ZRANB3: variants seen among roughly 807,000 people sequenced by gnomAD.
ZRANB3 encodes zinc finger RANBP2-type containing 3.
ZRANB3 carries 125 observed loss-of-function variants against 133.8 expected under a neutral mutation model. The observed-to-expected ratio is 0.93, with a 90% CI of 0.81 to 1.08. ZRANB3 has a LOEUF of 1.08. ZRANB3 is among the 50% of genes least tolerant of loss of function. The pLI is 0.00. For missense variants in ZRANB3, 1,229 were observed against 1,275.5 expected, an observed-to-expected ratio of 0.96 and a Z score of 0.56; for synonymous variants, 387 against 432.7, an observed-to-expected ratio of 0.89 and a Z score of 1.31.
At chr2:135,336,276 C>T (rs934841714) in intron 6 of ZRANB3, among the ~76,000 whole-genome samples, 20 of 152,162 alleles carry the variant, frequency 1.3e-4, no homozygotes, top group Non-Finnish European at 2.8e-4. Flanking sequence ...ATTTAATACA[C>T]TTTATAAAAG....
At chr2:135,405,146 CA>C (rs372062362) in intron 2 of ZRANB3, among the ~76,000 whole-genome samples, 2 of 151,546 alleles carry the variant, frequency 1.3e-5, no homozygotes, top group African/African-American at 4.8e-5. Flanking sequence ...AAATGGAAAA[CA>C]AAAAAAGGCA....
chr2:135,247,078 A>G (rs1008723220), intron 12 of ZRANB3, among the ~76,000 whole-genome samples: 19 of 152,356 alleles, frequency 1.2e-4, no homozygotes, highest in Admixed American at 7.2e-4. Flanking sequence ...GACTTTGATC[A>G]AAGGGCAGCT....
chr2:135,268,692 G>A (rs1484278309), intron 11 of ZRANB3, among the ~76,000 whole-genome samples: 1 of 152,120 alleles, frequency 6.6e-6, no homozygotes, highest in African/African-American at 2.4e-5. Flanking sequence ...ACGTTTCCTT[G>A]CTAGCCAACC....
At chr2:135,258,211 T>C (rs760634536) in intron 12 of ZRANB3, among the ~76,000 whole-genome samples, 1 of 152,196 alleles carries the variant, frequency 6.6e-6, no homozygotes, top group African/African-American at 2.4e-5. Flanking sequence ...CAATAGATGT[T>C]AGTCATTATT....
At chr2:135,212,412 G>A (rs1694129176) in intron 17 of ZRANB3, among the ~76,000 whole-genome samples, 1 of 152,114 alleles carries the variant, frequency 6.6e-6, no homozygotes, top group Non-Finnish European at 1.5e-5. Flanking sequence ...CTTGCCTGAG[G>A]TATTATTCAA....
At chr2:135,307,201 G>T (rs1024098521) in intron 8 of ZRANB3, among the ~76,000 whole-genome samples, 5 of 152,058 alleles carry the variant, frequency 3.3e-5, no homozygotes, top group Non-Finnish European at 5.9e-5. Flanking sequence ...TGAGTAGTGG[G>T]ACCACAGACG....
At chr2:135,328,085 C>T (rs951026170) in intron 6 of ZRANB3, among the ~76,000 whole-genome samples, 1 of 151,272 alleles carries the variant, frequency 6.6e-6, no homozygotes, top group Admixed American at 6.6e-5. Context: ...TATTATTATA[C>T]TTTAAGTTCT....
At chr2:135,220,337 C>CAA (rs200689271) in intron 15 of ZRANB3, among the ~76,000 whole-genome samples, 7 of 130,854 alleles carry the variant, frequency 5.3e-5, no homozygotes, top group African/African-American at 2.0e-4. Flanking sequence ...TTCTCTCAGC[C>CAA]AAAAAAAAAA....
At chr2:135,522,547 C>T (rs752874054) in intron 1 of ZRANB3, among the ~76,000 whole-genome samples, 6 of 152,096 alleles carry the variant, frequency 3.9e-5, no homozygotes, top group Admixed American at 1.3e-4. Context: ...CGCCTGTAAT[C>T]CCAGCACTTT....
chr2:135,207,663 T>C lies in ZRANB3; in HGVS notation c.2780A>G (p.Lys927Arg). ...AAACCGTGAATCCCAAGAGTTCGCTTTACATGCTTGCTTAGTCTGGCAAGT... is the reference window on the plus strand; with the variant it reads ...AAACCGTGAATCCCAAGAGTTCGCTCTACATGCTTGCTTAGTCTGGCAAGT... ...QPTCQTKQAC[K>R]ANSWDSRFCS... Residue 927 changes from lysine to arginine, a missense_variant, in exon 19 of 21, where the codon AAA becomes AGA. By Grantham distance (26) the Lys-to-Arg change is conservative. Coordinates refer to ENST00000264159, the MANE Select transcript of ZRANB3 (RefSeq NM_032143.4). 1 of 1,613,998 alleles carries C rather than the reference T, an allele frequency of 6.2e-7. No homozygotes were observed. Among genetic ancestry groups the C allele is most frequent in the Non-Finnish European group, 8.5e-7 (1 of 1,179,886 alleles).
intron 2 of ZRANB3, among the ~76,000 whole-genome samples, chr2:135,431,214 C>A (rs13393227): frequency 0.032 from 4,836 of 151,628 alleles, 248 homozygotes; most frequent in African/African-American, 0.11. Flanking sequence ...ATCACTTGAG[C>A]TCAGAGAGTC....
intron 2 of ZRANB3, among the ~76,000 whole-genome samples, chr2:135,398,320 C>A (rs1301852522): frequency 6.6e-6 from 1 of 151,776 alleles, no homozygotes; most frequent in Non-Finnish European, 1.5e-5. Context: ...CCTGCCTCGG[C>A]CTCCCAAAGT....
intron 12 of ZRANB3, among the ~76,000 whole-genome samples, chr2:135,232,468 G>T (rs1220284775): frequency 6.6e-6 from 1 of 152,200 alleles, no homozygotes; most frequent in Non-Finnish European, 1.5e-5. Flanking sequence ...GCATGCAGCT[G>T]GAGATCTGAG....
chr2:135,326,620 G>A (rs1343928888), intron 6 of ZRANB3, among the ~76,000 whole-genome samples: 8 of 151,836 alleles, frequency 5.3e-5, no homozygotes, highest in South Asian at 4.2e-4. Context: ...GAACAGTCCC[G>A]GCCAGGCATG....
intron 2 of ZRANB3, among the ~76,000 whole-genome samples, chr2:135,421,589 T>C (rs1409241000): frequency 6.6e-6 from 1 of 152,168 alleles, no homozygotes; most frequent in African/African-American, 2.4e-5. Flanking sequence ...CTCTTCCAGA[T>C]TTCCAACATA....
chr2:135,457,102 TAACTC>T, intron 2 of ZRANB3, among the ~76,000 whole-genome samples: 1 of 152,332 alleles, frequency 6.6e-6, no homozygotes, highest in Admixed American at 6.5e-5. Flanking sequence ...CTGGCTTCCT[TAACTC>T]AGCATGATGT....
At chr2:135,380,196 C>A (rs1452400517) in intron 3 of ZRANB3, among the ~76,000 whole-genome samples, 2 of 152,110 alleles carry the variant, frequency 1.3e-5, no homozygotes, top group East Asian at 1.9e-4. Context: ...GACTTAGACT[C>A]CCACAAAATA....
intron 3 of ZRANB3, among the ~76,000 whole-genome samples, chr2:135,383,210 A>C (rs1212762525): frequency 3.3e-5 from 5 of 152,208 alleles, no homozygotes; most frequent in Non-Finnish European, 7.3e-5. Flanking sequence ...TCTCTGATAA[A>C]ACAGACTTTA....
In ZRANB3 at chr2:135,437,336, A is replaced by G. The variant is rs193287923; in HGVS notation, c.162-46516T>C. ...ACATGACAAGATAAAGTTAATAAAC[A>G]TAATGCTCAGTGAAGAAAGCCAAAC... On this transcript the variant is annotated intron_variant, in intron 2 of 20. Transcript: ENST00000264159. Among the ~76,000 whole-genome samples, 6 of 152,376 alleles carry G rather than the reference A, an allele frequency of 3.9e-5. No individual in the cohort carries two copies. The East Asian group carries it at 9.6e-4, about 24-fold the overall frequency.
Sources: gnomAD v4.1 joint callset for allele counts (sites outside exome capture counted in the v4.1 genomes callset) on GRCh38, gnomAD v4.1.1 for gene constraint, MANE v1.5 for transcripts, NCBI Gene and HGNC (gene_info 2026-07-23, HGNC 2026-07-21) for gene names.